AKAP13: variants seen among roughly 807,000 people sequenced by gnomAD.
AKAP13 encodes the protein A-kinase anchoring protein 13, also known as A-kinase anchor protein 13.
AKAP13 carries 80 observed loss-of-function variants against 264.5 expected under a neutral mutation model. That is an observed-to-expected ratio of 0.30 (90% CI 0.25 to 0.36). The LOEUF (loss-of-function observed/expected upper bound fraction) is 0.36. AKAP13 is among the 10% of genes least tolerant of loss of function. AKAP13 has a pLI of 1.00. For missense variants in AKAP13, 3,712 were observed against 3,435.2 expected (o/e 1.08, Z -2.01); for synonymous variants, 1,380 against 1,250.2 (o/e 1.10, Z -2.19).
intron 3 of AKAP13, among the ~76,000 whole-genome samples, chr15:85,527,620 T>C (rs534557097): frequency 6.6e-6 from 1 of 152,340 alleles, no homozygotes; most frequent in Admixed American, 6.5e-5. Flanking sequence ...TCTAAAATGC[T>C]CATGGTGAAA....
chr15:85,576,213 G>A (rs1596580999), intron 6 of AKAP13, among the ~76,000 whole-genome samples: 1 of 152,144 alleles, frequency 6.6e-6, no homozygotes, highest in African/African-American at 2.4e-5. Flanking sequence ...ATATTTGTCT[G>A]TGTTTGGCTT....
chr15:85,585,871 G>T (rs2079317824), intron 8 of AKAP13, 48 bp downstream of exon 8: 1 of 1,595,416 alleles, frequency 6.3e-7, no homozygotes, highest in Middle Eastern at 1.7e-4. Context: ...TGTTTATCCT[G>T]TTCTGCTGTG....
At chr15:85,512,442 G>A (rs748827247) in intron 2 of AKAP13, among the ~76,000 whole-genome samples, 13 of 151,958 alleles carry the variant, frequency 8.6e-5, no homozygotes, top group African/African-American at 1.2e-4. Flanking sequence ...CGATGCCTGC[G>A]ACTTGCTTGC....
chr15:85,631,563 TGTG>T (rs2081828929), intron 8 of AKAP13, among the ~76,000 whole-genome samples: 1 of 147,306 alleles, frequency 6.8e-6, no homozygotes, highest in Non-Finnish European at 1.5e-5. Context: ...CTAAATGCAA[TGTG>T]GTGATTTGGA....
At chr15:85,460,341 G>A (rs956830127) in intron 1 of AKAP13, among the ~76,000 whole-genome samples, 1 of 152,140 alleles carries the variant, frequency 6.6e-6, no homozygotes, top group African/African-American at 2.4e-5. Flanking sequence ...CACAGCCCCC[G>A]ATACAGCTCG....
intron 1 of AKAP13, among the ~76,000 whole-genome samples, chr15:85,466,735 G>A (rs1037868766): frequency 2.0e-5 from 3 of 152,126 alleles, no homozygotes; most frequent in Non-Finnish European, 4.4e-5. Flanking sequence ...TGGTGACAGT[G>A]ATGACTTGAA....
At chr15:85,630,206 CACA>C (rs2081661656) in intron 8 of AKAP13, among the ~76,000 whole-genome samples, 3 of 51,212 alleles carry the variant, frequency 5.9e-5, no homozygotes, top group Non-Finnish European at 3.4e-5. Flanking sequence ...CACACACACA[CACA>C]TCATGAACTA....
Position 85,633,427 on chromosome 15 carries a change from G to A in AKAP13, c.4162-5947G>A, listed in dbSNP as rs115302864. 6.2e-3 allele frequency among the ~76,000 whole-genome samples: 947 copies of A among 151,670 alleles called. 10 individuals are homozygous for A. Among genetic ancestry groups the A allele is most frequent in the African/African-American group, 0.021 (890 of 41,410 alleles). Reference sequence around the variant, plus strand: ...AAGTGTAGTTTTGTATTGCAGTACAGTGGTTCTATTAGCAGAGAATCTTAT... The same window carrying A: ...AAGTGTAGTTTTGTATTGCAGTACAATGGTTCTATTAGCAGAGAATCTTAT... On this transcript the variant is annotated intron_variant, in intron 8 of 36. Transcript: ENST00000394518.
At chr15:85,575,751 T>A (rs2078988400) in intron 6 of AKAP13, among the ~76,000 whole-genome samples, 1 of 152,074 alleles carries the variant, frequency 6.6e-6, no homozygotes, top group Non-Finnish European at 1.5e-5. Flanking sequence ...CCCAGCACTT[T>A]GGAAGGGCCA....
intron 2 of AKAP13, among the ~76,000 whole-genome samples, chr15:85,502,415 TTAAGTA>T (rs2076060715): frequency 6.6e-6 from 1 of 152,220 alleles, no homozygotes; most frequent in Non-Finnish European, 1.5e-5. Flanking sequence ...TCTTAAGCAG[TTAAGTA>T]TGTCATTCCT....
intron 19 of AKAP13, among the ~76,000 whole-genome samples, chr15:85,712,716 G>A (rs2086698119): frequency 6.6e-6 from 1 of 152,002 alleles, no homozygotes; most frequent in African/African-American, 2.4e-5. Context: ...GCTAATTTTT[G>A]TATTTTTACT....
At chr15:85,444,909 G>GCTGTTTTGAAAT (rs1183475030) in intron 1 of AKAP13, among the ~76,000 whole-genome samples, 1 of 152,124 alleles carries the variant, frequency 6.6e-6, no homozygotes, top group African/African-American at 2.4e-5. Flanking sequence ...AATCATCATA[G>GCTGTTTTGAAAT]CTGTTTTGAA....
rs2079137409 is a variant in AKAP13, at chr15:85,581,192, C to T, written c.3124C>T (p.Leu1042=). 1.2e-6 allele frequency: 2 copies of T among 1,613,800 alleles called. No homozygotes were observed. The highest frequency in any genetic ancestry group is 2.7e-5 in the African/African-American group (2 of 75,042). ...GGGGGCAGAGCACAACAGCTCCGCT[C>T]TGTTGCCATGTCTGTTGCCAGATGG... ...ALGAEHNSSA[L]LPCLLPDGSD... Residue 1042 remains leucine, a synonymous_variant, in exon 7 of 37, where the codon CTG becomes TTG. Transcript: ENST00000394518.
intron 9 of AKAP13, 46 bp downstream of exon 9, chr15:85,639,495 C>G: frequency 7.2e-7 from 1 of 1,387,120 alleles, no homozygotes; most frequent in South Asian, 1.2e-5. Flanking sequence ...CAGCCCCACT[C>G]TGGCAGATCG....
intron 10 of AKAP13, among the ~76,000 whole-genome samples, chr15:85,647,296 G>A (rs2082601981): frequency 1.3e-5 from 2 of 152,218 alleles, no homozygotes; most frequent in South Asian, 4.1e-4. Context: ...TACTCTGGAG[G>A]CTGAAGCAGG....
intron 17 of AKAP13, among the ~76,000 whole-genome samples, chr15:85,701,722 C>T (rs980728905): frequency 1.3e-5 from 2 of 151,802 alleles, no homozygotes; most frequent in East Asian, 2.0e-4. Context: ...GGATTACAGG[C>T]GTGAGCCACC....
intron 7 of AKAP13, among the ~76,000 whole-genome samples, chr15:85,585,227 A>C (rs117686632): frequency 1.3e-5 from 2 of 152,292 alleles, no homozygotes; most frequent in Non-Finnish European, 2.9e-5. Context: ...AGTGTGTTGT[A>C]TGTTAGTGAA....
In AKAP13 at chr15:85,692,597, C is replaced by T. The variant is rs547574038; in HGVS notation, c.5290-680C>T. Among the ~76,000 whole-genome samples, 21 of 152,206 alleles carry T rather than the reference C, an allele frequency of 1.4e-4. No individual in the cohort carries two copies. The South Asian group carries it at 1.4e-3, about 11-fold the overall frequency. ...ATCGTCCGTATTCTTAACCACTGTA[C>T]GGTTTTCCAGCCTCCCCTTCTTATC... On this transcript the variant is annotated intron_variant, in intron 16 of 36. Coordinates refer to ENST00000394518, the MANE Select transcript of AKAP13 (RefSeq NM_007200.5).
intron 2 of AKAP13, among the ~76,000 whole-genome samples, chr15:85,498,362 C>A (rs148423127): frequency 2.0e-5 from 3 of 151,970 alleles, no homozygotes; most frequent in Non-Finnish European, 4.4e-5. Flanking sequence ...TAAATACTTG[C>A]GCTGAGAGCT....
Sources: gnomAD v4.1 joint callset for allele counts (sites outside exome capture counted in the v4.1 genomes callset) on GRCh38, gnomAD v4.1.1 for gene constraint, MANE v1.5 for transcripts, NCBI Gene and HGNC (gene_info 2026-07-23, HGNC 2026-07-21) for gene names.